PPP3CA: variants seen among roughly 807,000 people sequenced by gnomAD.
The protein encoded by PPP3CA is CAM-PRP catalytic subunit.
A neutral mutation model predicts 66.5 loss-of-function variants in PPP3CA; 14 were observed. That is an observed-to-expected ratio of 0.21 (90% CI 0.14 to 0.33). PPP3CA has a LOEUF of 0.33. Among genes scored for constraint, PPP3CA ranks in the 10% least tolerant of loss-of-function variants. The pLI, the probability that PPP3CA is intolerant of heterozygous loss-of-function variation, is 1.00. For missense variants in PPP3CA, 317 were observed against 639.5 expected, an observed-to-expected ratio of 0.50 and a Z score of 5.44; for synonymous variants, 232 against 226.2, an observed-to-expected ratio of 1.03 and a Z score of -0.23.
At chr4:101,159,962 A>G (rs1408541713) in intron 2 of PPP3CA, among the ~76,000 whole-genome samples, 1 of 152,168 alleles carries the variant, frequency 6.6e-6, no homozygotes, top group Non-Finnish European at 1.5e-5. Context: ...AACTATCTAT[A>G]AAATATTCTG....
At chr4:101,105,974 A>G (rs1730647425) in intron 3 of PPP3CA, among the ~76,000 whole-genome samples, 1 of 152,166 alleles carries the variant, frequency 6.6e-6, no homozygotes, top group African/African-American at 2.4e-5. Flanking sequence ...TGTTAAATGA[A>G]TAAGATGAAT....
chr4:101,197,243 G>A (rs749604768), intron 1 of PPP3CA, among the ~76,000 whole-genome samples: 13 of 152,298 alleles, frequency 8.5e-5, no homozygotes, highest in South Asian at 6.2e-4. Flanking sequence ...TCTCAAAGAA[G>A]CAAGACTTAC....
Position 101,065,202 on chromosome 4 carries a change from AATACTTTTGATCTTCAGT to A in PPP3CA, c.956-1863_956-1846del, listed in dbSNP as rs561508424. The stretch of plus-strand genomic sequence containing the variant: ...AAAAATCAAGGCAAACTATCATATC[AATACTTTTGATCTTCAGT>A]ATGAAAAAGGTGAAGTATTTCCCAT... On this transcript the variant is annotated intron_variant, in intron 8 of 13. Transcript: ENST00000394854. Among the ~76,000 whole-genome samples the A allele has an allele frequency of 3.7e-4, 57 of 152,172 alleles. No individual in the cohort carries two copies. In the Middle Eastern group the frequency reaches 0.017, roughly 46 times the overall value.
chr4:101,266,364 T>C (rs1183086197), intron 1 of PPP3CA, among the ~76,000 whole-genome samples: 1 of 152,160 alleles, frequency 6.6e-6, no homozygotes, highest in African/African-American at 2.4e-5. Context: ...TAAATAGGAT[T>C]ATTAAGTGAA....
chr4:101,084,475 T>C (rs546942816), intron 6 of PPP3CA, among the ~76,000 whole-genome samples: 4 of 151,676 alleles, frequency 2.6e-5, no homozygotes, highest in Non-Finnish European at 5.9e-5. Flanking sequence ...ACCCTGTCTC[T>C]TACTAAAAAT....
chr4:101,181,675 C>T (rs937246763), intron 2 of PPP3CA, among the ~76,000 whole-genome samples: 7 of 152,020 alleles, frequency 4.6e-5, no homozygotes, highest in African/African-American at 1.7e-4. Context: ...AAAAGAAACA[C>T]ATTACAATGA....
chr4:101,225,398 T>C (rs1472257423), intron 1 of PPP3CA, among the ~76,000 whole-genome samples: 1 of 151,734 alleles, frequency 6.6e-6, no homozygotes, highest in Non-Finnish European at 1.5e-5. Context: ...ATTAAATGAA[T>C]AAAGCCTAAA....
intron 11 of PPP3CA, among the ~76,000 whole-genome samples, chr4:101,035,244 G>C (rs1312552901): frequency 1.3e-5 from 2 of 152,104 alleles, no homozygotes; most frequent in Non-Finnish European, 2.9e-5. Context: ...ACTCCAGCCA[G>C]AGCGCAAGAG....
intron 1 of PPP3CA, among the ~76,000 whole-genome samples, chr4:101,200,447 C>G (rs973102286): frequency 1.3e-5 from 2 of 151,996 alleles, no homozygotes; most frequent in African/African-American, 4.8e-5. Context: ...ATTCATGTAA[C>G]CTGGGATGTA....
chr4:101,183,628 T>C (rs1027145442), intron 2 of PPP3CA, among the ~76,000 whole-genome samples: 1 of 152,156 alleles, frequency 6.6e-6, no homozygotes, highest in Non-Finnish European at 1.5e-5. Context: ...TGATTAAAAA[T>C]ATATGAAAGC....
chr4:101,208,211 A>C (rs1232446502), intron 1 of PPP3CA, among the ~76,000 whole-genome samples: 1 of 152,084 alleles, frequency 6.6e-6, no homozygotes, highest in East Asian at 1.9e-4. Context: ...AAGATATAGG[A>C]TATGTTAAGT....
intron 1 of PPP3CA, among the ~76,000 whole-genome samples, chr4:101,313,255 G>A (rs1728782041): frequency 6.6e-6 from 1 of 151,950 alleles, no homozygotes; most frequent in African/African-American, 2.4e-5. Context: ...TGAAACTCCT[G>A]TCCTGAAACA....
intron 10 of PPP3CA, among the ~76,000 whole-genome samples, chr4:101,057,095 C>T (rs1007990996): frequency 4.0e-5 from 6 of 151,472 alleles, no homozygotes; most frequent in Non-Finnish European, 8.8e-5. Context: ...CACTGTGTCA[C>T]CCAGGTTGGA....
intron 2 of PPP3CA, among the ~76,000 whole-genome samples, chr4:101,184,752 C>T (rs1026297787): frequency 2.6e-5 from 4 of 152,124 alleles, no homozygotes; most frequent in African/African-American, 9.7e-5. Flanking sequence ...GATTGCTCAA[C>T]AGAGCATATA....
At chr4:101,052,984 C>T (rs1728075412) in intron 10 of PPP3CA, among the ~76,000 whole-genome samples, 1 of 152,010 alleles carries the variant, frequency 6.6e-6, no homozygotes, top group Admixed American at 6.6e-5. Flanking sequence ...ATATCCTCTG[C>T]ATGACTAGCA....
chr4:101,142,807 A>G (rs1249581378), intron 2 of PPP3CA, among the ~76,000 whole-genome samples: 1 of 152,208 alleles, frequency 6.6e-6, no homozygotes, highest in Non-Finnish European at 1.5e-5. Flanking sequence ...ATCTTGTAGA[A>G]TCCATTTTTC....
intron 1 of PPP3CA, among the ~76,000 whole-genome samples, chr4:101,310,880 T>C (rs963970731): frequency 6.6e-6 from 1 of 152,146 alleles, no homozygotes; most frequent in Admixed American, 6.5e-5. Flanking sequence ...GTACTTAAAA[T>C]GAAAGCAGCA....
intron 10 of PPP3CA, among the ~76,000 whole-genome samples, chr4:101,059,204 A>G (rs979050393): frequency 2.0e-5 from 3 of 152,174 alleles, no homozygotes; most frequent in African/African-American, 7.2e-5. Flanking sequence ...TGTGGCTATA[A>G]CATATGAAAC....
chr4:101,120,932 G>A (rs114024650), intron 2 of PPP3CA, among the ~76,000 whole-genome samples: 6,075 of 152,076 alleles, frequency 0.04, 204 homozygotes, highest in Middle Eastern at 0.11. Context: ...TAAGTTTCTT[G>A]TTTCTTCAGT....
Sources: gnomAD v4.1 joint callset for allele counts (sites outside exome capture counted in the v4.1 genomes callset) on GRCh38, gnomAD v4.1.1 for gene constraint, MANE v1.5 for transcripts, NCBI Gene and HGNC (gene_info 2026-07-23, HGNC 2026-07-21) for gene names.